Variants in BCL2L14 observed in about 807,000 individuals in gnomAD.
The protein encoded by BCL2L14 is BCL2 like 14.
In BCL2L14, 27 loss-of-function variants were observed where a neutral mutation model predicts 35.3. The observed-to-expected ratio is 0.76, with a 90% CI of 0.56 to 1.05. The LOEUF is 1.05. Ranked by LOEUF, BCL2L14 falls within the 50% of genes least tolerant of loss-of-function variation. The pLI is 0.00. For synonymous variants in BCL2L14, 139 were observed against 145.9 expected (o/e 0.95, Z 0.34); for missense variants, 377 against 382.6 (o/e 0.99, Z 0.12).
chr12:12,060,208 C>T (rs1026593050), intron 2 of BCL2L14, among the ~76,000 whole-genome samples: 15 of 151,464 alleles, frequency 9.9e-5, no homozygotes, highest in African/African-American at 3.4e-4. Context: ...AGCCCTCCCC[C>T]TCCTGCCCAG....
intron 5 of BCL2L14, among the ~76,000 whole-genome samples, chr12:12,097,297 C>T (rs1949336567): frequency 6.6e-6 from 1 of 152,180 alleles, no homozygotes; most frequent in Non-Finnish European, 1.5e-5. Context: ...AAATGTCCAT[C>T]AACTGATGAA....
chr12:12,056,480 A>T (rs1948434335), intron 2 of BCL2L14, among the ~76,000 whole-genome samples: 1 of 152,192 alleles, frequency 6.6e-6, no homozygotes, highest in South Asian at 2.1e-4. Context: ...TGAGCCCTAA[A>T]TACTGTGCTC....
chr12:12,073,578 GCACA>G (rs1314214255), intron 1 of BCL2L14, among the ~76,000 whole-genome samples: 1 of 151,382 alleles, frequency 6.6e-6, no homozygotes, highest in Non-Finnish European at 1.5e-5. Flanking sequence ...ACATGCACAC[GCACA>G]CACAAACATG....
At chr12:12,065,935 C>A (rs1424809695) in intron 2 of BCL2L14, among the ~76,000 whole-genome samples, 1 of 152,094 alleles carries the variant, frequency 6.6e-6, no homozygotes, top group African/African-American at 2.4e-5. Context: ...AGATTACAGG[C>A]ACCCACCACC....
At chr12:12,073,170 C>T (rs1199722935) in intron 1 of BCL2L14, among the ~76,000 whole-genome samples, 5 of 152,302 alleles carry the variant, frequency 3.3e-5, no homozygotes, top group Middle Eastern at 3.4e-3. Context: ...CCACTGGGTC[C>T]GGCATCTACA....
chr12:12,066,717 T>TA (rs199661457), upstream of BCL2L14, among the ~76,000 whole-genome samples: 1,057 of 148,050 alleles, frequency 7.1e-3, 24 homozygotes, highest in South Asian at 0.029. Flanking sequence ...TTATTATTAT[T>TA]TTTTTTTTTT....
Position 12,095,782 on chromosome 12 carries a change from A to G in BCL2L14, c.945+852A>G, listed in dbSNP as rs1368901936. The stretch of plus-strand genomic sequence containing the variant: ...CCTTGGTCTCTTTGCTGATGGAAGG[A>G]AAGTGCAGCTGATCTTGCCCAAGGG... On this transcript the variant is annotated intron_variant, in intron 5 of 5. Coordinates refer to ENST00000308721, the MANE Select transcript of BCL2L14 (RefSeq NM_138723.2). The G allele has an allele frequency of 4.1e-6, 4 of 985,296 alleles. No homozygotes were observed. In the African/African-American group the frequency reaches 7.0e-5, roughly 17 times the overall value. 61.0% of individuals were successfully genotyped at this position (985,296 alleles called of 1,614,324 possible). A position where few individuals can be genotyped will look rare whatever the true frequency, so the allele number is the denominator to read the frequency against.
intron 5 of BCL2L14, chr12:12,096,277 C>A: frequency 1.5e-6 from 1 of 664,538 alleles, no homozygotes; most frequent in Non-Finnish European, 1.9e-6. Context: ...CACAGGCTAG[C>A]TCTCAAAAAT....
intron 1 of BCL2L14, among the ~76,000 whole-genome samples, chr12:12,050,942 AAGAG>A (rs34331597): frequency 6.6e-6 from 1 of 152,136 alleles, no homozygotes; most frequent in African/African-American, 2.4e-5. Flanking sequence ...AAGCTTGCAT[AAGAG>A]AGAGATTTAG....
intron 2 of BCL2L14, among the ~76,000 whole-genome samples, chr12:12,081,205 G>A (rs1007434424): frequency 6.6e-6 from 1 of 152,008 alleles, no homozygotes; most frequent in African/African-American, 2.4e-5. Context: ...TCTCAGCACT[G>A]TGGGAAACCA....
upstream of BCL2L14, among the ~76,000 whole-genome samples, chr12:12,067,842 C>A (rs995040377): frequency 1.3e-5 from 2 of 152,174 alleles, no homozygotes; most frequent in African/African-American, 4.8e-5. Flanking sequence ...GTGGAGATAA[C>A]ATAGTTGAAT....
At chr12:12,090,383 A>C (rs1339448595) in intron 3 of BCL2L14, among the ~76,000 whole-genome samples, 4 of 152,174 alleles carry the variant, frequency 2.6e-5, no homozygotes, top group East Asian at 1.9e-4. Flanking sequence ...TAATTCCAGC[A>C]CTTTGGGAGG....
At chr12:12,083,105 C>T (rs1441798369) in intron 2 of BCL2L14, among the ~76,000 whole-genome samples, 2 of 152,096 alleles carry the variant, frequency 1.3e-5, no homozygotes, top group African/African-American at 4.8e-5. Flanking sequence ...GCTGGGACTA[C>T]GGGCGCCCAC....
chr12:12,063,374 A>G (rs1270952058), intron 2 of BCL2L14, among the ~76,000 whole-genome samples: 1 of 150,674 alleles, frequency 6.6e-6, no homozygotes, highest in East Asian at 1.9e-4. Flanking sequence ...GACCTTTTAT[A>G]CCTGTTTTTC....
chr12:12,066,789 C>T (rs1021135512), upstream of BCL2L14, among the ~76,000 whole-genome samples: 4 of 151,718 alleles, frequency 2.6e-5, no homozygotes, highest in Non-Finnish European at 5.9e-5. Flanking sequence ...CGGCTCACTG[C>T]AAGCTCCGCC....
Position 12,074,525 on chromosome 12 carries a change from A to G in BCL2L14, c.-8+3388A>G, listed in dbSNP as rs111918702. 3.3e-5 allele frequency among the ~76,000 whole-genome samples: 5 copies of G among 150,124 alleles called. 1 individual carries two copies. Among genetic ancestry groups the G allele is most frequent in the African/African-American group, 9.8e-5 (4 of 40,838 alleles). ...ACCATCTCAGCTCACTGCAACTTCT[A>G]CCTCCTGGGTTCAAGTGATTCTCCA... is the stretch of plus-strand genomic sequence containing the variant. On this transcript the variant is annotated intron_variant, in intron 1 of 5. Transcript: ENST00000308721.
chr12:12,057,067 A>C (rs11616030), intron 2 of BCL2L14, among the ~76,000 whole-genome samples: 9,873 of 152,318 alleles, frequency 0.065, 418 homozygotes, highest in Non-Finnish European at 0.089. Context: ...GGAGCCAGCA[A>C]AATATTAAAA....
chr12:12,096,283 A>C, intron 5 of BCL2L14: 1 of 604,706 alleles, frequency 1.7e-6, no homozygotes, highest in Non-Finnish European at 2.1e-6. Context: ...CTAGCTCTCA[A>C]AAATCTGTTT....
chr12:12,067,646 G>A (rs1344659964), upstream of BCL2L14, among the ~76,000 whole-genome samples: 1 of 152,174 alleles, frequency 6.6e-6, no homozygotes, highest in Admixed American at 6.5e-5. Context: ...AAGAAGGGAC[G>A]TCCACCAAAT....
Sources: allele counts gnomAD v4.1 joint callset (sites outside exome capture counted in the v4.1 genomes callset), GRCh38; gene constraint gnomAD v4.1.1; transcripts MANE v1.5; gene names NCBI Gene and HGNC (gene_info 2026-07-23, HGNC 2026-07-21).